Variants in MICU1 observed in about 807,000 individuals in gnomAD.
MICU1 encodes the protein calcium uptake protein 1, mitochondrial.
In MICU1, 45 loss-of-function variants were observed where a neutral mutation model predicts 56.8. That is an observed-to-expected ratio of 0.79 (90% confidence interval 0.62 to 1.02). MICU1 has a LOEUF of 1.02. Ranked by LOEUF, MICU1 falls within the 50% of genes least tolerant of loss-of-function variation. The pLI is 0.00. For missense variants in MICU1, 504 were observed against 587.1 expected (o/e 0.86, Z 1.46); for synonymous variants, 186 against 195.1 (o/e 0.95, Z 0.39).
At chr10:72,493,150 C>A (rs1866720197) in intron 6 of MICU1, among the ~76,000 whole-genome samples, 1 of 152,108 alleles carries the variant, frequency 6.6e-6, no homozygotes. Context: ...AGCAAAACTC[C>A]ATTTCAAAAA....
At chr10:72,535,586 A>C (rs1397832154) in intron 4 of MICU1, among the ~76,000 whole-genome samples, 1 of 152,148 alleles carries the variant, frequency 6.6e-6, no homozygotes, top group Non-Finnish European at 1.5e-5. Context: ...AAGTGTTCTA[A>C]GCATATTGAA....
chr10:72,448,698 T>C (rs545416230), intron 8 of MICU1, among the ~76,000 whole-genome samples: 1 of 152,002 alleles, frequency 6.6e-6, no homozygotes, highest in African/African-American at 2.4e-5. Flanking sequence ...CACAGGCAGG[T>C]GAATGGCAAA....
chr10:72,482,588 G>GT (rs917647751), intron 6 of MICU1, among the ~76,000 whole-genome samples: 82 of 151,638 alleles, frequency 5.4e-4, no homozygotes, highest in Admixed American at 1.3e-3. Flanking sequence ...TAAATGAGCT[G>GT]TTTTTTTTCC....
intron 10 of MICU1, among the ~76,000 whole-genome samples, chr10:72,387,191 T>A: frequency 6.6e-6 from 1 of 152,210 alleles, no homozygotes; most frequent in East Asian, 1.9e-4. Context: ...GTTATAATCA[T>A]ACAATTTCAA....
Position 72,483,335 on chromosome 10 carries a change from T to C in MICU1, c.653-6079A>G, listed in dbSNP as rs188646017. On this transcript the variant is annotated intron_variant, in intron 6 of 11. Coordinates refer to ENST00000361114, the MANE Select transcript of MICU1 (RefSeq NM_001195518.2). ...CCAGATGGCTGGAGGGCATCTTGCT[T>C]GGCTGGCTCCTGGTTGTCCAGCTTC... 2.1e-3 allele frequency: 339 copies of C among 162,476 alleles called. 1 individual carries two copies. The highest frequency in any genetic ancestry group is 6.1e-3 in the Middle Eastern group (2 of 330). The allele number at this position is 162,476 out of a possible 1,614,324, so 10.1% of individuals were successfully genotyped here. A position where few individuals can be genotyped will look rare whatever the true frequency, so the allele number is the denominator to read the frequency against.
At chr10:72,444,415 C>T (rs1865040267) in intron 8 of MICU1, among the ~76,000 whole-genome samples, 1 of 147,948 alleles carries the variant, frequency 6.8e-6, no homozygotes, top group Non-Finnish European at 1.5e-5. Context: ...TCTTTCTTAC[C>T]TTATATACTT....
intron 1 of MICU1, among the ~76,000 whole-genome samples, chr10:72,591,006 C>G (rs1440526106): frequency 6.6e-6 from 1 of 151,936 alleles, no homozygotes; most frequent in Non-Finnish European, 1.5e-5. Context: ...AATTAAGTCT[C>G]AATAGATTTT....
chr10:72,381,135 A>G (rs1862688985), intron 10 of MICU1, among the ~76,000 whole-genome samples: 2 of 152,196 alleles, frequency 1.3e-5, no homozygotes, highest in Non-Finnish European at 2.9e-5. Flanking sequence ...AGCATGACCC[A>G]GTTAGGAGCT....
intron 1 of MICU1, among the ~76,000 whole-genome samples, chr10:72,569,237 A>ATATATATATATTT: frequency 5.8e-5 from 2 of 34,380 alleles, no homozygotes; most frequent in African/African-American, 2.3e-4. Flanking sequence ...ATATATATAT[A>ATATATATATATTT]TTTTTTTTTT....
At chr10:72,602,549 C>T (rs1054669391) in intron 1 of MICU1, among the ~76,000 whole-genome samples, 7 of 152,050 alleles carry the variant, frequency 4.6e-5, no homozygotes, top group African/African-American at 1.7e-4. Context: ...ATACAATACG[C>T]TTTGTCTGTA....
At chr10:72,598,111 C>T (rs1003256919) in intron 1 of MICU1, among the ~76,000 whole-genome samples, 2 of 152,088 alleles carry the variant, frequency 1.3e-5, no homozygotes. Context: ...CTAACCAGAA[C>T]TAAAAGCATT....
intron 1 of MICU1, among the ~76,000 whole-genome samples, chr10:72,572,576 T>C (rs1386162584): frequency 1.3e-5 from 2 of 151,816 alleles, no homozygotes; most frequent in Admixed American, 6.6e-5. Context: ...TATAATAACA[T>C]AATGGAATGG....
At chr10:72,599,455 G>C (rs929704143) in intron 1 of MICU1, among the ~76,000 whole-genome samples, 1 of 152,110 alleles carries the variant, frequency 6.6e-6, no homozygotes, top group Non-Finnish European at 1.5e-5. Flanking sequence ...CCTGGAACAT[G>C]AATCATCCCT....
At chr10:72,394,740 G>A (rs1432545637) in intron 10 of MICU1, among the ~76,000 whole-genome samples, 1 of 152,220 alleles carries the variant, frequency 6.6e-6, no homozygotes, top group Non-Finnish European at 1.5e-5. Flanking sequence ...GGAGGCCAAG[G>A]CAGAAGGATC....
chr10:72,377,390 G>C (rs1862560306), intron 10 of MICU1, among the ~76,000 whole-genome samples: 1 of 152,098 alleles, frequency 6.6e-6, no homozygotes, highest in Non-Finnish European at 1.5e-5. Flanking sequence ...AAAGTGCTGG[G>C]ATTACAGGGG....
chr10:72,559,548 G>A (rs992484133), intron 3 of MICU1, among the ~76,000 whole-genome samples: 2 of 152,076 alleles, frequency 1.3e-5, no homozygotes, highest in African/African-American at 2.4e-5. Flanking sequence ...TGAGAGGGCC[G>A]GGCACAGTGG....
chr10:72,415,013 G>GTT (rs71018285), intron 9 of MICU1, among the ~76,000 whole-genome samples: 45 of 114,226 alleles, frequency 3.9e-4, no homozygotes, highest in African/African-American at 7.8e-4. Flanking sequence ...CTCCTGCTTA[G>GTT]TTTTTTTTTT....
chr10:72,617,657 C>G (rs1431059362), intron 1 of MICU1, among the ~76,000 whole-genome samples: 1 of 152,052 alleles, frequency 6.6e-6, no homozygotes. Context: ...CATATCAAGA[C>G]CATGTCTCTA....
rs374962285 is a variant in MICU1, at chr10:72,375,892, C to T, written c.1181-20G>A. 4.8e-5 allele frequency: 77 copies of T among 1,592,726 alleles called. No homozygotes were observed. The highest frequency in any genetic ancestry group is 6.3e-5 in the Non-Finnish European group (73 of 1,166,372). ...TGGTCACTGAAAAAAGAAAGAGGTG[C>T]ATTAGCACAGCAGAGGGATTTTCAT... On this transcript the variant is annotated intron_variant, in intron 10 of 11. Transcript: ENST00000361114.
Sources: allele counts gnomAD v4.1 joint callset (sites outside exome capture counted in the v4.1 genomes callset), GRCh38; gene constraint gnomAD v4.1.1; transcripts MANE v1.5; gene names NCBI Gene and HGNC (gene_info 2026-07-23, HGNC 2026-07-21).